The following DNAH2 variants were observed in gnomAD, a reference collection of about 807,000 sequenced individuals.
DNAH2 encodes the protein axonemal beta dynein heavy chain 2.
A neutral mutation model predicts 523.5 loss-of-function variants in DNAH2; 323 were observed. That is an observed-to-expected ratio of 0.62 (90% CI 0.56 to 0.68). The LOEUF (loss-of-function observed/expected upper bound fraction) is 0.68. Ranked by LOEUF, DNAH2 falls within the 30% of genes least tolerant of loss-of-function variation. The pLI is 0.00. For missense variants in DNAH2, 4,907 were observed against 5,701.5 expected, an observed-to-expected ratio of 0.86 and a Z score of 4.49; for synonymous variants, 2,093 against 2,177.4, an observed-to-expected ratio of 0.96 and a Z score of 1.08.
chr17:7,787,259 G>A (rs985844235), intron 42 of DNAH2: 1 of 621,928 alleles, frequency 1.6e-6, no homozygotes, highest in African/African-American at 1.8e-5. Flanking sequence ...TGTAAGCACT[G>A]TGTAGGCTTG....
In DNAH2 at chr17:7,786,470, G is replaced by T; in HGVS notation, c.6349-100G>T. On this transcript the variant is annotated intron_variant, in intron 40 of 85. Coordinates refer to ENST00000572933, the MANE Select transcript of DNAH2 (RefSeq NM_020877.5). The surrounding 1 kb of genome is among the most constrained non-coding windows in gnomAD (Gnocchi z 7.5). ...ACCTGGGACCATGGTGGCCTGGAGC[G>T]ATGAGAGAAGGGACAAATGCACGTA... is the stretch of plus-strand genomic sequence containing the variant. 6.8e-7 allele frequency: 1 copy of T among 1,466,212 alleles called. No homozygotes were observed. 90.8% of individuals were successfully genotyped at this position (1,466,212 alleles called of 1,614,324 possible). A position where few individuals can be genotyped will look rare whatever the true frequency, so the allele number is the denominator to read the frequency against.
chr17:7,826,841 A>G (rs1246348638), intron 77 of DNAH2, among the ~76,000 whole-genome samples: 1 of 152,026 alleles, frequency 6.6e-6, no homozygotes, highest in Non-Finnish European at 1.5e-5. Flanking sequence ...CACCCGGCCC[A>G]TCATCCTTTT....
Position 7,760,887 on chromosome 17 carries a change from A to ATC in DNAH2, c.2933_2934insTC (p.Gln978HisfsTer78). On this transcript the variant is annotated frameshift_variant, in exon 18 of 86. Transcript: ENST00000572933. LOFTEE classifies it high-confidence loss of function. This position sits in a 1 kb window ranked among gnomAD's most constrained non-coding sequence, Gnocchi z 4.0. ...AAGGACTCCTTCATTCATCGCTACC[A>ATC]GCGCCTCAACCCTCCTGTCTCTTCT... 6.2e-7 allele frequency: 1 copy of ATC among 1,614,212 alleles called. No homozygotes were observed. Among genetic ancestry groups the ATC allele is most frequent in the Non-Finnish European group, 8.5e-7 (1 of 1,180,036 alleles).
rs192810162 is a variant in DNAH2 at position 7,754,469 on chromosome 17, G to T, written c.1905-2622G>T. 5.1e-3 allele frequency: 3,551 copies of T among 695,676 alleles called. 13 individuals carry two copies. The highest frequency in any genetic ancestry group is 8.0e-3 in the Middle Eastern group (26 of 3,270). 43.1% of individuals were successfully genotyped at this position (695,676 alleles called of 1,614,324 possible). ...GGTATCAAGAAACCGCGATCACAAA[G>T]ATACAAATCTCTTAAGGGGGTGGAC... On this transcript the variant is annotated intron_variant, in intron 12 of 85. Transcript: ENST00000572933. The surrounding 1 kb of genome is among the most constrained non-coding windows in gnomAD (Gnocchi z 4.6).
At chr17:7,719,275 G>A (rs1362724498) in intron 1 of DNAH2, among the ~76,000 whole-genome samples, 2 of 151,854 alleles carry the variant, frequency 1.3e-5, no homozygotes, top group African/African-American at 2.4e-5. Context: ...TTACAGGCAC[G>A]CACCACCACT....
chr17:7,798,046 C>A lies in DNAH2; in HGVS notation c.8231-111C>A, dbSNP rs2077114856. 1.7e-5 allele frequency: 25 copies of A among 1,437,558 alleles called. No homozygotes were observed. Among genetic ancestry groups the A allele is most frequent in the Non-Finnish European group, 2.2e-5 (24 of 1,074,734 alleles). 89.1% of individuals were successfully genotyped at this position (1,437,558 alleles called of 1,614,324 possible). A position where few individuals can be genotyped will look rare whatever the true frequency, so the allele number is the denominator to read the frequency against. On this transcript the variant is annotated intron_variant, in intron 53 of 85. Transcript: ENST00000572933. The surrounding 1 kb of genome is among the most constrained non-coding windows in gnomAD (Gnocchi z 5.5). ...CTTGGGCACCAACTTCTTCTCATAC[C>A]TCTTGGTTCCTCTGCTTCAGTTTCA... is the stretch of plus-strand genomic sequence containing the variant.
chr17:7,757,069 G>A, intron 12 of DNAH2, 22 bp from the exon 13 acceptor site: 1 of 1,613,632 alleles, frequency 6.2e-7, no homozygotes, highest in African/African-American at 1.3e-5. Flanking sequence ...TCCCCTCACT[G>A]CCTGGCTGCT....
intron 48 of DNAH2, 148 bp downstream of exon 48, chr17:7,793,353 C>T (rs2076952167): frequency 1.3e-6 from 1 of 773,274 alleles, no homozygotes; most frequent in Non-Finnish European, 2.0e-6. Flanking sequence ...CAGTTCTCGG[C>T]TCCCCACTCA....
intron 73 of DNAH2, 95 bp from the exon 74 acceptor site, chr17:7,823,347 C>CAGAGAG (rs71389703): frequency 0.01 from 8,052 of 782,250 alleles, 20 homozygotes; most frequent in African/African-American, 0.021. Flanking sequence ...GAGAAAAATA[C>CAGAGAG]AGAGAGAGAG....
At chr17:7,823,146 T>C (rs940234601) in intron 73 of DNAH2, among the ~76,000 whole-genome samples, 7 of 151,428 alleles carry the variant, frequency 4.6e-5, no homozygotes, top group Non-Finnish European at 1.0e-4. Context: ...ATACAATAAT[T>C]AGCCAGGTGT....
chr17:7,754,964 C>CATA lies in DNAH2; in HGVS notation c.1905-2126_1905-2125insTAA. On this transcript the variant is annotated intron_variant, in intron 12 of 85. Coordinates refer to ENST00000572933, the MANE Select transcript of DNAH2 (RefSeq NM_020877.5). This position sits in a 1 kb window ranked among gnomAD's most constrained non-coding sequence, Gnocchi z 4.6. ...GCTATTGGTACAAATAAGCCTGAGG[C>CATA]AGAAAAAAAAAAAAAAAGAATAGGC... 1 of 314,622 alleles carries CATA rather than the reference C, an allele frequency of 3.2e-6. No homozygotes were observed. The allele number at this position is 314,622 out of a possible 1,614,324, so 19.5% of individuals were successfully genotyped here. A position where few individuals can be genotyped will look rare whatever the true frequency, so the allele number is the denominator to read the frequency against.
intron 12 of DNAH2, among the ~76,000 whole-genome samples, chr17:7,744,610 C>T (rs1036228834): frequency 3.9e-5 from 6 of 152,002 alleles, no homozygotes; most frequent in African/African-American, 1.2e-4. Context: ...ATGGCTAGGT[C>T]GAGAGGTTTG....
At chr17:7,747,628 T>C (rs1386665734) in intron 12 of DNAH2, among the ~76,000 whole-genome samples, 1 of 152,214 alleles carries the variant, frequency 6.6e-6, no homozygotes, top group Non-Finnish European at 1.5e-5. Context: ...ATAATCTTGA[T>C]AGTAGAGCTT....
chr17:7,734,065 C>A, intron 5 of DNAH2, 118 bp from the exon 6 acceptor site: 2 of 818,074 alleles, frequency 2.4e-6, no homozygotes, highest in Non-Finnish European at 3.8e-6. Context: ...ATTTCTTCTA[C>A]CTGCTCTCCT....
chr17:7,732,125 C>T (rs2075006906), intron 4 of DNAH2, among the ~76,000 whole-genome samples: 1 of 150,788 alleles, frequency 6.6e-6, no homozygotes, highest in African/African-American at 2.4e-5. Flanking sequence ...TTGTGCTTTA[C>T]TTTGTTTTTA....
Position 7,770,647 on chromosome 17 carries a change from G to C in DNAH2, c.4181+8G>C, listed in dbSNP as rs758862547. 6.2e-7 allele frequency: 1 copy of C among 1,614,146 alleles called. No individual in the cohort carries two copies. The highest frequency in any genetic ancestry group is 8.5e-7 in the Non-Finnish European group (1 of 1,179,998). On this transcript the variant is annotated splice_region_variant and intron_variant, in intron 26 of 85. Coordinates refer to ENST00000572933, the MANE Select transcript of DNAH2 (RefSeq NM_020877.5). ...GGGCCATCATCGGCTCAGGTCAGGG[G>C]AGCTGGGGCTCTAGGAGAATGGAGG...
chr17:7,738,821 G>T, intron 8 of DNAH2: 1 of 594,468 alleles, frequency 1.7e-6, no homozygotes, highest in Non-Finnish European at 3.1e-6. Flanking sequence ...TGTTTCTCGG[G>T]GTCTGATTTT....
Position 7,832,495 on chromosome 17 carries a change from G to A in DNAH2, c.12727-84G>A. The A allele has an allele frequency of 6.6e-7, 1 of 1,521,974 alleles. No individual in the cohort carries two copies. The highest frequency in any genetic ancestry group is 8.9e-7 in the Non-Finnish European group (1 of 1,122,956). The allele number at this position is 1,521,974 out of a possible 1,614,324, so 94.3% of individuals were successfully genotyped here. On this transcript the variant is annotated intron_variant, in intron 82 of 85. Coordinates refer to ENST00000572933, the MANE Select transcript of DNAH2 (RefSeq NM_020877.5). The surrounding 1 kb of genome is among the most constrained non-coding windows in gnomAD (Gnocchi z 4.3). ...CTGCACTCCAGCCTGGGGGACAAGA[G>A]CAAAACTCTGTCTCTAAATAAATAA...
At chr17:7,752,136 CT>C (rs2075701435) in intron 12 of DNAH2, among the ~76,000 whole-genome samples, 1 of 104,080 alleles carries the variant, frequency 9.6e-6, no homozygotes, top group Non-Finnish European at 2.0e-5. Flanking sequence ...TATTTAAGTC[CT>C]GCCTTTTCCC....
Sources: gnomAD v4.1 joint callset for allele counts (sites outside exome capture counted in the v4.1 genomes callset) on GRCh38, gnomAD v4.1.1 for gene constraint, Gnocchi (gnomAD v3.1) non-coding constraint, MANE v1.5 for transcripts, NCBI Gene and HGNC (gene_info 2026-07-23, HGNC 2026-07-21) for gene names.